Variants in CDH18 observed in about 807,000 individuals in gnomAD.
CDH18 encodes the protein cadherin 18.
In CDH18, 31 loss-of-function variants were observed where a neutral mutation model predicts 67.9. That is an observed-to-expected ratio of 0.46 (90% CI 0.34 to 0.62). The LOEUF (loss-of-function observed/expected upper bound fraction) is 0.62, where lower values mean the gene tolerates loss of function less well. CDH18 is among the 20% of genes least tolerant of loss of function. The pLI is 0.01. For synonymous variants in CDH18, 362 were observed against 347.2 expected (o/e 1.04, Z -0.48); for missense variants, 890 against 975.5 (o/e 0.91, Z 1.17).
intron 2 of CDH18, among the ~76,000 whole-genome samples, chr5:20,242,462 T>A (rs982620996): frequency 6.6e-6 from 1 of 151,134 alleles, no homozygotes; most frequent in Non-Finnish European, 1.5e-5. Context: ...ATCAATGAGA[T>A]CATATGATAT....
chr5:19,483,732 C>G (rs1191277221), intron 11 of CDH18, among the ~76,000 whole-genome samples, 180 bp from the exon 12 acceptor site: 1 of 151,988 alleles, frequency 6.6e-6, no homozygotes, highest in African/African-American at 2.4e-5. Flanking sequence ...AACTGAGAAA[C>G]CTATTTAGAA....
At chr5:20,090,378 T>C (rs1022849351) in intron 2 of CDH18, among the ~76,000 whole-genome samples, 2 of 151,826 alleles carry the variant, frequency 1.3e-5, no homozygotes, top group African/African-American at 4.8e-5. Context: ...CTACCAAAAA[T>C]ACAAAAATTA....
chr5:19,839,225 C>T lies in CDH18; in HGVS notation c.-239G>A. The T allele has an allele frequency of 2.1e-6, 1 of 468,984 alleles. No homozygotes were observed. The highest frequency in any genetic ancestry group is 3.8e-6 in the Non-Finnish European group (1 of 261,286). The allele number at this position is 468,984 out of a possible 1,614,324, so 29.1% of individuals were successfully genotyped here. On this transcript the variant is annotated 5_prime_UTR_variant, in exon 3 of 13. It adds an upstream start codon to the 5' untranslated region. Coordinates refer to ENST00000382275, the MANE Select transcript of CDH18 (RefSeq NM_004934.5). ...TCCAACTCTTCACAGTAGTTGAACA[C>T]AAGCAACCATTTTCAACCTAATGGA...
chr5:20,390,225 T>C (rs1053179196), intron 1 of CDH18, among the ~76,000 whole-genome samples: 13 of 152,122 alleles, frequency 8.5e-5, no homozygotes, highest in Admixed American at 2.6e-4. Flanking sequence ...GAGAAAATTT[T>C]TGCAATCTAC....
chr5:19,722,843 G>T (rs559973204), intron 4 of CDH18, among the ~76,000 whole-genome samples: 1 of 151,952 alleles, frequency 6.6e-6, no homozygotes, highest in East Asian at 1.9e-4. Flanking sequence ...TATTCATTTT[G>T]GTATTTGAAT....
intron 2 of CDH18, among the ~76,000 whole-genome samples, chr5:20,172,202 A>ATATATATATACATG (rs1561848291): frequency 1.1e-4 from 5 of 46,050 alleles, no homozygotes; most frequent in African/African-American, 2.5e-4. Context: ...ATATATATAT[A>ATATATATATACATG]TATATATATA....
At chr5:19,784,765 T>C (rs879445011) in intron 3 of CDH18, among the ~76,000 whole-genome samples, 1 of 152,202 alleles carries the variant, frequency 6.6e-6, no homozygotes, top group Non-Finnish European at 1.5e-5. Flanking sequence ...AGAGACTAAC[T>C]AGGAGTCTGA....
chr5:20,150,678 T>C (rs1279645514), intron 2 of CDH18, among the ~76,000 whole-genome samples: 1 of 151,994 alleles, frequency 6.6e-6, no homozygotes, highest in African/African-American at 2.4e-5. Flanking sequence ...ATATTGAAAA[T>C]GTTTATGTGA....
chr5:20,294,611 C>T (rs1480241725), intron 1 of CDH18, among the ~76,000 whole-genome samples: 1 of 152,106 alleles, frequency 6.6e-6, no homozygotes, highest in Non-Finnish European at 1.5e-5. Flanking sequence ...AAAGTGATAA[C>T]AATATTCAAA....
chr5:20,520,599 CTA>C (rs1286435494), intron 1 of CDH18, among the ~76,000 whole-genome samples: 1 of 152,120 alleles, frequency 6.6e-6, no homozygotes, highest in East Asian at 1.9e-4. Flanking sequence ...GTCTCAGGCC[CTA>C]TATATTTAAA....
At chr5:19,678,178 T>A (rs962460878) in intron 5 of CDH18, among the ~76,000 whole-genome samples, 1 of 151,278 alleles carries the variant, frequency 6.6e-6, no homozygotes, top group South Asian at 2.1e-4. Context: ...TATATATTCT[T>A]CTCATCTGCA....
intron 1 of CDH18, among the ~76,000 whole-genome samples, chr5:20,256,767 G>C (rs976201771): frequency 6.6e-6 from 1 of 151,984 alleles, no homozygotes; most frequent in Non-Finnish European, 1.5e-5. Flanking sequence ...GAGTTGAAGA[G>C]AGTCTGAAGT....
At chr5:20,130,407 T>G (rs1354403055) in intron 2 of CDH18, among the ~76,000 whole-genome samples, 2 of 151,496 alleles carry the variant, frequency 1.3e-5, no homozygotes, top group African/African-American at 4.8e-5. Context: ...CTTAGTTTTT[T>G]TTTTTTTTTT....
chr5:20,303,897 G>C (rs1736173528), intron 1 of CDH18: 1 of 620,924 alleles, frequency 1.6e-6, no homozygotes, highest in African/African-American at 1.9e-5. Flanking sequence ...AACATTTAAA[G>C]GTTTTATTGG....
intron 2 of CDH18, among the ~76,000 whole-genome samples, chr5:19,933,426 C>T (rs964584319): frequency 2.0e-5 from 3 of 151,476 alleles, no homozygotes; most frequent in Non-Finnish European, 4.4e-5. Context: ...TATTTTTCTC[C>T]TTTTCTTTAC....
chr5:20,181,442 C>CA (rs1320623697), intron 2 of CDH18, among the ~76,000 whole-genome samples: 2 of 152,052 alleles, frequency 1.3e-5, no homozygotes, highest in African/African-American at 4.8e-5. Context: ...TGAGAGATCT[C>CA]ATGAAGGAGA....
intron 5 of CDH18, among the ~76,000 whole-genome samples, chr5:19,631,357 G>A (rs1045778763): frequency 1.3e-5 from 2 of 152,106 alleles, no homozygotes; most frequent in East Asian, 1.9e-4. Context: ...TTTGGCATTT[G>A]AGAATCAAGC....
intron 1 of CDH18, among the ~76,000 whole-genome samples, chr5:20,278,827 G>A (rs1466034894): frequency 6.6e-6 from 1 of 151,974 alleles, no homozygotes; most frequent in Non-Finnish European, 1.5e-5. Context: ...TTAAAATAGT[G>A]GGTTATAAGA....
intron 10 of CDH18, among the ~76,000 whole-genome samples, chr5:19,507,934 T>A (rs1744475849): frequency 6.6e-6 from 1 of 151,696 alleles, no homozygotes; most frequent in African/African-American, 2.4e-5. Context: ...AAACTCCTAG[T>A]CTCTACATAA....
Sources: gnomAD v4.1 joint callset for allele counts (sites outside exome capture counted in the v4.1 genomes callset) on GRCh38, gnomAD v4.1.1 for gene constraint, MANE v1.5 for transcripts, NCBI Gene and HGNC (gene_info 2026-07-23, HGNC 2026-07-21) for gene names.